Variants in XPR1 observed in about 807,000 individuals in gnomAD.
The protein encoded by XPR1 is xenotropic and polytropic retrovirus receptor 1.
XPR1 carries 28 observed loss-of-function variants against 87.5 expected under a neutral mutation model. That is an observed-to-expected ratio of 0.32 (90% confidence interval 0.24 to 0.44). The LOEUF (loss-of-function observed/expected upper bound fraction) is 0.44, where lower values mean the gene tolerates loss of function less well. Ranked by LOEUF, XPR1 falls within the 20% of genes least tolerant of loss-of-function variation. The pLI is 1.00. For synonymous variants in XPR1, 300 were observed against 306.1 expected, an observed-to-expected ratio of 0.98 and a Z score of 0.21; for missense variants, 559 against 862.3, an observed-to-expected ratio of 0.65 and a Z score of 4.41.
At chr1:180,878,877 G>A (rs1031909612) in intron 13 of XPR1, among the ~76,000 whole-genome samples, 1 of 152,136 alleles carries the variant, frequency 6.6e-6, no homozygotes, top group Non-Finnish European at 1.5e-5. Flanking sequence ...GTGTTAGAGT[G>A]TTCCAGGATT....
rs894282021 is a variant in XPR1 at position 180,888,760 on chromosome 1, C to A, written c.*4694C>A. The stretch of plus-strand genomic sequence containing the variant: ...CAGTCTTGATAGTAAATCCTACAAA[C>A]TCTCAACTTTCTGCATTGTATTTTA... On this transcript the variant is annotated 3_prime_UTR_variant, in exon 15 of 15. Coordinates refer to ENST00000367590, the MANE Select transcript of XPR1 (RefSeq NM_004736.4). The A allele has an allele frequency of 2.2e-4, 34 of 152,210 alleles. No homozygotes were observed. The highest frequency in any genetic ancestry group is 8.0e-4 in the African/African-American group (33 of 41,456). 9.4% of individuals were successfully genotyped at this position (152,210 alleles called of 1,614,324 possible).
chr1:180,739,077 A>G (rs74476731), intron 2 of XPR1, among the ~76,000 whole-genome samples: 6,248 of 152,126 alleles, frequency 0.041, 164 homozygotes, highest in African/African-American at 0.072. Context: ...AGACCAGTTC[A>G]TTTTCTTAGA....
At chr1:180,653,608 T>C (rs1249555571) in intron 1 of XPR1, among the ~76,000 whole-genome samples, 1 of 152,146 alleles carries the variant, frequency 6.6e-6, no homozygotes, top group African/African-American at 2.4e-5. Flanking sequence ...TCCATATTAA[T>C]GCAATGATTG....
At chr1:180,658,292 CTGAT>C (rs1655608295) in intron 1 of XPR1, among the ~76,000 whole-genome samples, 1 of 152,116 alleles carries the variant, frequency 6.6e-6, no homozygotes, top group Non-Finnish European at 1.5e-5. Flanking sequence ...TTTCTCTTGT[CTGAT>C]TGCTCTAGCT....
chr1:180,792,427 CT>C (rs1224356359), intron 3 of XPR1, among the ~76,000 whole-genome samples: 1 of 152,128 alleles, frequency 6.6e-6, no homozygotes, highest in Non-Finnish European at 1.5e-5. Flanking sequence ...ACTGTTTAAC[CT>C]TCCTAGGCTT....
At chr1:180,667,633 A>G (rs1298728185) in intron 1 of XPR1, among the ~76,000 whole-genome samples, 1 of 152,120 alleles carries the variant, frequency 6.6e-6, no homozygotes, top group Non-Finnish European at 1.5e-5. Flanking sequence ...GTTAGGAAGC[A>G]TTTCCTCCTG....
chr1:180,688,630 C>G (rs1418406511), intron 2 of XPR1, among the ~76,000 whole-genome samples: 2 of 152,066 alleles, frequency 1.3e-5, no homozygotes. Context: ...CCTTAATAAT[C>G]AGGATTGTTC....
intron 9 of XPR1, among the ~76,000 whole-genome samples, chr1:180,833,601 A>T (rs1458668757): frequency 6.6e-6 from 1 of 152,222 alleles, no homozygotes; most frequent in East Asian, 1.9e-4. Flanking sequence ...GCATTACATA[A>T]TGGTAAAGGG....
intron 1 of XPR1, among the ~76,000 whole-genome samples, chr1:180,660,887 C>G (rs576296176): frequency 6.6e-6 from 1 of 152,268 alleles, no homozygotes; most frequent in Admixed American, 6.5e-5. Context: ...CAGATTAAGT[C>G]TGACATTTCT....
intron 2 of XPR1, among the ~76,000 whole-genome samples, chr1:180,722,452 G>C (rs995695662): frequency 3.9e-5 from 6 of 152,058 alleles, no homozygotes; most frequent in African/African-American, 1.4e-4. Flanking sequence ...ATTTTATTTA[G>C]AACTTTCATT....
At chr1:180,873,384 A>G (rs1053459559) in intron 12 of XPR1, among the ~76,000 whole-genome samples, 18 of 152,242 alleles carry the variant, frequency 1.2e-4, no homozygotes, top group African/African-American at 4.3e-4. Flanking sequence ...AATGGAGAAT[A>G]AAAGTACAAA....
chr1:180,751,808 G>A (rs1018009137), intron 2 of XPR1, among the ~76,000 whole-genome samples: 8 of 152,020 alleles, frequency 5.3e-5, no homozygotes, highest in Non-Finnish European at 1.2e-4. Flanking sequence ...AGAGCAGATG[G>A]CAATAATCAT....
At chr1:180,849,281 G>A (rs909420335) in intron 11 of XPR1, among the ~76,000 whole-genome samples, 2 of 152,190 alleles carry the variant, frequency 1.3e-5, no homozygotes, top group Non-Finnish European at 2.9e-5. Flanking sequence ...TTTTGCTTGC[G>A]CAAGGTCACA....
At chr1:180,831,819 C>G (rs1651076836) in intron 9 of XPR1, among the ~76,000 whole-genome samples, 1 of 152,068 alleles carries the variant, frequency 6.6e-6, no homozygotes, top group South Asian at 2.1e-4. Context: ...GGGTTGGTTC[C>G]AAATCTTTGC....
chr1:180,666,359 T>C (rs1294197155), intron 1 of XPR1, among the ~76,000 whole-genome samples: 1 of 152,114 alleles, frequency 6.6e-6, no homozygotes, highest in Non-Finnish European at 1.5e-5. Context: ...CTGGACTGAA[T>C]TGTAGATCGC....
Position 180,632,124 on chromosome 1 carries a change from G to T in XPR1, c.-78G>T, listed in dbSNP as rs940099166. On this transcript the variant is annotated 5_prime_UTR_variant, in exon 1 of 15. Coordinates refer to ENST00000367590, the MANE Select transcript of XPR1 (RefSeq NM_004736.4). ...CGCCGCGCCGCGCCGGGGCCCATGTGGGGAGGAGTCGGAGTCGCTGTTGCC... is the reference window on the plus strand; with the variant it reads ...CGCCGCGCCGCGCCGGGGCCCATGTTGGGAGGAGTCGGAGTCGCTGTTGCC... The T allele has an allele frequency of 3.9e-6, 6 of 1,521,550 alleles. No individual in the cohort carries two copies. The highest frequency in any genetic ancestry group is 1.9e-5 in the Admixed American group (1 of 51,482). The allele number at this position is 1,521,550 out of a possible 1,614,324, so 94.3% of individuals were successfully genotyped here.
rs954968974 is a variant in XPR1, at chr1:180,664,211, T to G, written c.70-18149T>G. Among the ~76,000 whole-genome samples, 65 of 152,108 alleles carry G rather than the reference T, an allele frequency of 4.3e-4. 1 individual carries two copies. The highest frequency in any genetic ancestry group is 1.7e-3 in the Admixed American group (26 of 15,264). On this transcript the variant is annotated intron_variant, in intron 1 of 14. Transcript: ENST00000367590. Reference sequence around the variant, plus strand: ...GTTTTTCTCAAGCTGAAGTGGTCCCTCCTCATAGCCACCACAGCTGTGAAT... The same window carrying G: ...GTTTTTCTCAAGCTGAAGTGGTCCCGCCTCATAGCCACCACAGCTGTGAAT...
chr1:180,692,106 C>T (rs1361108700), intron 2 of XPR1, among the ~76,000 whole-genome samples: 2 of 152,046 alleles, frequency 1.3e-5, no homozygotes, highest in African/African-American at 4.8e-5. Context: ...TTATAATAGG[C>T]AGAGCTATAT....
intron 2 of XPR1, among the ~76,000 whole-genome samples, chr1:180,748,954 T>G (rs1647400053): frequency 6.6e-6 from 1 of 152,214 alleles, no homozygotes; most frequent in South Asian, 2.1e-4. Flanking sequence ...ATCCCAGCAC[T>G]TTGGGAGTCC....
Sources: allele counts gnomAD v4.1 joint callset (sites outside exome capture counted in the v4.1 genomes callset), GRCh38; gene constraint gnomAD v4.1.1; transcripts MANE v1.5; gene names NCBI Gene and HGNC (gene_info 2026-07-23, HGNC 2026-07-21).